Variants in GYG2 observed in about 807,000 individuals in gnomAD.
The protein encoded by GYG2 is glycogenin-2.
In GYG2, 29 loss-of-function variants were observed where a neutral mutation model predicts 29.4. The ratio of observed to expected loss-of-function variants is 0.99; its 90% confidence interval spans 0.74 to 1.35. The LOEUF is 1.35. Among genes scored for constraint, GYG2 ranks in the 40% most tolerant of loss-of-function variants. GYG2 has a pLI of 0.00. For missense variants in GYG2, 370 were observed against 385.7 expected (o/e 0.96, Z 0.34); for synonymous variants, 167 against 172.3 (o/e 0.97, Z 0.24).
intron 8 of GYG2, among the ~76,000 whole-genome samples, chrX:2,865,894 G>A (rs1315152186): frequency 1.8e-5 from 2 of 111,298 alleles, no homozygotes; most frequent in Non-Finnish European, 3.8e-5. Context: ...GCATTTATCC[G>A]AAGGAGAGGA....
At chrX:2,869,273 A>G (rs1271497054) in intron 8 of GYG2, among the ~76,000 whole-genome samples, 2 of 112,485 alleles carry the variant, frequency 1.8e-5, no homozygotes, top group Admixed American at 1.9e-4. Flanking sequence ...TTTAAAGTCT[A>G]TGGGAGGATG....
intron 8 of GYG2, among the ~76,000 whole-genome samples, chrX:2,868,650 C>G (rs1028023695): frequency 9.2e-6 from 1 of 109,224 alleles, no homozygotes; most frequent in South Asian, 4.1e-4. Context: ...GCAATGAAGT[C>G]TTCAGGCTTT....
At chrX:2,863,197 C>G (rs2088215010) in intron 8 of GYG2, among the ~76,000 whole-genome samples, 1 of 109,700 alleles carries the variant, frequency 9.1e-6, no homozygotes, top group South Asian at 4.1e-4. Flanking sequence ...GCCTCAGCCT[C>G]CCGAGTAGCT....
At chrX:2,829,959 G>A (rs1365691773) in intron 1 of GYG2, 102 bp from the exon 2 acceptor site, 10 of 411,418 alleles carry the variant, frequency 2.4e-5, no homozygotes, top group Non-Finnish European at 3.8e-5. Flanking sequence ...GGAGGCAGGG[G>A]CCCCGTGGGG....
intron 2 of GYG2, among the ~76,000 whole-genome samples, chrX:2,833,346 A>G (rs776892128): frequency 1.8e-4 from 20 of 110,815 alleles, no homozygotes; most frequent in African/African-American, 5.6e-4. Flanking sequence ...TAAAGACCCC[A>G]TCTTCAAATG....
chrX:2,873,391 CAAAT>C (rs1327496485), intron 8 of GYG2, among the ~76,000 whole-genome samples: 2 of 112,096 alleles, frequency 1.8e-5, no homozygotes, highest in African/African-American at 6.5e-5. Context: ...GTACCACTGA[CAAAT>C]AAAAATTGGT....
intron 8 of GYG2, among the ~76,000 whole-genome samples, chrX:2,869,327 C>G (rs961437544): frequency 1.8e-5 from 2 of 111,516 alleles, no homozygotes; most frequent in African/African-American, 6.5e-5. Flanking sequence ...GTATCAGAGA[C>G]TTGAGCATCC....
In GYG2 at chrX:2,880,643, C is replaced by T. The variant is rs779393238; in HGVS notation, c.1252-409C>T. Among the ~76,000 whole-genome samples, 7 of 111,984 alleles carry T rather than the reference C, an allele frequency of 6.3e-5. No individual in the cohort carries two copies. The South Asian group carries it at 2.6e-3, about 42-fold the overall frequency. ...AAAAGTGCTGCTGGGTGTGGAGGCTCACACCTGCAATCCCAGCTCACTGGG... is the reference window on the plus strand; with the variant it reads ...AAAAGTGCTGCTGGGTGTGGAGGCTTACACCTGCAATCCCAGCTCACTGGG... On this transcript the variant is annotated intron_variant, in intron 10 of 10. Coordinates refer to ENST00000398806, the MANE Select transcript of GYG2 (RefSeq NM_001079855.2).
intron 6 of GYG2, among the ~76,000 whole-genome samples, chrX:2,856,956 CATCTGTTTATCTATCT>C (rs368803777): frequency 0.21 from 21,568 of 101,377 alleles, 1,876 homozygotes; most frequent in Admixed American, 0.33. Flanking sequence ...TAGGCCTAGA[CATCTGTTTATCTATCT>C]ATCTATCTAT....
rs142028099 is a variant in GYG2, at chrX:2,861,293, G to A, written c.838-229G>A. On this transcript the variant is annotated intron_variant, in intron 7 of 10. Coordinates refer to ENST00000398806, the MANE Select transcript of GYG2 (RefSeq NM_001079855.2). ...GTTTTGCTAAGTACTGGATTATTAA[G>A]TACTGGATTACTAAGTACTGGATTA... Among the ~76,000 whole-genome samples, 3,040 of 111,343 alleles carry A rather than the reference G, an allele frequency of 0.027. 115 individuals are homozygous for A. The highest frequency in any genetic ancestry group is 0.092 in the African/African-American group (2,810 of 30,573).
At chrX:2,835,748 G>C (rs1251198247) in intron 2 of GYG2, among the ~76,000 whole-genome samples, 3 of 110,654 alleles carry the variant, frequency 2.7e-5, no homozygotes, top group Non-Finnish European at 5.7e-5. Flanking sequence ...AGAACTGCAA[G>C]AGAGTAAATG....
In GYG2 at chrX:2,856,737, C is replaced by CATCT. The variant is rs1555898816; in HGVS notation, c.614+124_614+127dup. ...TTAAAAACTCTATCTATCTATCTAT[C>CATCT]ATCTATCTATCTATGTATCTATCTA... On this transcript the variant is annotated intron_variant, in intron 6 of 10. Coordinates refer to ENST00000398806, the MANE Select transcript of GYG2 (RefSeq NM_001079855.2). 7.4e-3 allele frequency: 3,085 copies of CATCT among 418,142 alleles called. 40 individuals are homozygous for CATCT. The highest frequency in any genetic ancestry group is 0.01 in the East Asian group (258 of 25,139). The allele number at this position is 418,142 out of a possible 1,213,427, so 34.5% of individuals were successfully genotyped here.
At chrX:2,868,584 A>C (rs1226865454) in intron 8 of GYG2, among the ~76,000 whole-genome samples, 1 of 110,155 alleles carries the variant, frequency 9.1e-6, no homozygotes, top group Non-Finnish European at 1.9e-5. Flanking sequence ...GGGGAAATTG[A>C]CCTAAAAAAA....
intron 2 of GYG2, among the ~76,000 whole-genome samples, chrX:2,832,424 C>T (rs1569049827): frequency 9.0e-6 from 1 of 111,714 alleles, no homozygotes; most frequent in African/African-American, 3.3e-5. Flanking sequence ...TGTCTGCATT[C>T]TCTTTTGTGT....
Position 2,881,281 on chromosome X carries a change from TCTC to T in GYG2, c.*72_*74del. ...GTTGGGTGGTCCTGTTGCGTGGAGA[TCTC>T]CTCTGGTCCTTTCAAAGGGAAACGC... On this transcript the variant is annotated 3_prime_UTR_variant, in exon 11 of 11. Transcript: ENST00000398806. 2.2e-6 allele frequency: 2 copies of T among 889,615 alleles called. No homozygotes were observed. The highest frequency in any genetic ancestry group is 3.1e-6 in the Non-Finnish European group (2 of 649,402). The allele number at this position is 889,615 out of a possible 1,213,427, so 73.3% of individuals were successfully genotyped here.
In GYG2 at chrX:2,882,643, C is replaced by T. The variant is rs1459589176; in HGVS notation, c.*1430C>T. The T allele has an allele frequency of 9.1e-6, 1 of 109,488 alleles. No individual in the cohort carries two copies. The highest frequency in any genetic ancestry group is 3.3e-5 in the African/African-American group (1 of 29,956). The allele number at this position is 109,488 out of a possible 1,213,427, so 9.0% of individuals were successfully genotyped here. On this transcript the variant is annotated 3_prime_UTR_variant, in exon 11 of 11. Transcript: ENST00000398806. ...TGGTCATCGGCTTTCAGAAGGAGAC[C>T]ACGGGAATGTTCAGGGAAACAATGT...
chrX:2,846,939 GTCA>G (rs1227141931), intron 3 of GYG2, among the ~76,000 whole-genome samples: 1 of 111,665 alleles, frequency 9.0e-6, no homozygotes, highest in East Asian at 2.8e-4. Context: ...GTTGGTTGTT[GTCA>G]TCAGAAGAAA....
chrX:2,878,181 G>A, intron 10 of GYG2: 1 of 746,467 alleles, frequency 1.3e-6, no homozygotes, highest in Non-Finnish European at 1.6e-6. Flanking sequence ...ATTAGTGAGT[G>A]ACAGGGCATC....
Position 2,846,983 on chromosome X carries a change from G to T in GYG2, c.149+3629G>T, listed in dbSNP as rs1341684131. On this transcript the variant is annotated intron_variant, in intron 3 of 10. Transcript: ENST00000398806. ...ACCTTTTGTTTGACAATAACTATGA[G>T]AAAAACTGAAAATGTTACCAAAGGC... is the stretch of plus-strand genomic sequence containing the variant. Among the ~76,000 whole-genome samples the T allele has an allele frequency of 4.5e-5, 5 of 111,650 alleles. No individual in the cohort carries two copies. The Admixed American group carries it at 4.8e-4, about 11-fold the overall frequency.
Sources: allele counts gnomAD v4.1 joint callset (sites outside exome capture counted in the v4.1 genomes callset), GRCh38; gene constraint gnomAD v4.1.1; transcripts MANE v1.5; gene names NCBI Gene and HGNC (gene_info 2026-07-23, HGNC 2026-07-21).